Variants in ANO2 observed in about 807,000 individuals in gnomAD.
The protein encoded by ANO2 is anoctamin 2, also known as anoctamin-2.
Under a neutral mutation model 124.2 loss-of-function variants are expected in ANO2, and 101 were observed. That is an observed-to-expected ratio of 0.81 (90% CI 0.69 to 0.96). The LOEUF (loss-of-function observed/expected upper bound fraction) is 0.96, where lower values mean the gene tolerates loss of function less well. Ranked by LOEUF, ANO2 falls within the 40% of genes least tolerant of loss-of-function variation. The pLI, the probability that ANO2 is intolerant of heterozygous loss-of-function variation, is 0.00. For synonymous variants in ANO2, 486 were observed against 482.5 expected, an observed-to-expected ratio of 1.01 and a Z score of -0.09; for missense variants, 1,293 against 1,274.5, an observed-to-expected ratio of 1.01 and a Z score of -0.22.
In ANO2 at chr12:5,646,840, A is replaced by G. The variant is rs150478920; in HGVS notation, c.1620+887T>C. ...GTTTCCTTCACCTTTTAAATTTCTG[A>G]GACGAAAACACAATTCCTGTAGTTA... On this transcript the variant is annotated intron_variant, in intron 15 of 24. Coordinates refer to ENST00000682330, the MANE Select transcript of ANO2 (RefSeq NM_001364791.2). Among the ~76,000 whole-genome samples the G allele has an allele frequency of 6.3e-3, 955 of 152,326 alleles. 9 individuals are homozygous for G. Among genetic ancestry groups the G allele is most frequent in the African/African-American group, 0.02 (838 of 41,570 alleles).
intron 14 of ANO2, among the ~76,000 whole-genome samples, chr12:5,709,734 G>A (rs1463705583): frequency 6.6e-6 from 1 of 152,162 alleles, no homozygotes; most frequent in Non-Finnish European, 1.5e-5. Context: ...GACACTTTTA[G>A]GACAAATGAG....
chr12:5,646,015 C>A (rs1946620272), intron 15 of ANO2, among the ~76,000 whole-genome samples: 1 of 152,206 alleles, frequency 6.6e-6, no homozygotes, highest in Non-Finnish European at 1.5e-5. Flanking sequence ...GTTTTTTCTG[C>A]AGTCTCATAA....
chr12:5,807,490 T>C, intron 7 of ANO2, 122 bp from the exon 8 acceptor site: 1 of 729,066 alleles, frequency 1.4e-6, no homozygotes. Context: ...CATCCTCCTC[T>C]ATATCATCCA....
chr12:5,765,268 T>A (rs1951857383), intron 10 of ANO2, among the ~76,000 whole-genome samples: 1 of 152,086 alleles, frequency 6.6e-6, no homozygotes, highest in Non-Finnish European at 1.5e-5. Context: ...ACATAGCATC[T>A]CTCGATTGGA....
In ANO2 at chr12:5,757,854, C is replaced by T. The variant is rs368928819; in HGVS notation, c.1056-6884G>A. ...TCCCTGTAAAAGTAAGAAGAAATAG[C>T]TAAAATTTTAAAAATTCAGAAAGAT... On this transcript the variant is annotated intron_variant, in intron 10 of 24. Transcript: ENST00000682330. Among the ~76,000 whole-genome samples, 35 of 152,194 alleles carry T rather than the reference C, an allele frequency of 2.3e-4. 1 individual carries two copies. In the South Asian group the frequency reaches 6.6e-3, roughly 29 times the overall value.
At position 5,852,775 on chromosome 12, in the gene ANO2, G is replaced by A. The variant is rs964541558; in HGVS notation, c.633+1268C>T. On this transcript the variant is annotated intron_variant, in intron 4 of 24. Transcript: ENST00000682330. ...TCACAGTGGGCAGCATGAAAACTAT[G>A]ATGATGGTAGTTACAAACAGCAAGA... Among the ~76,000 whole-genome samples, 12 of 151,570 alleles carry A rather than the reference G, an allele frequency of 7.9e-5. 1 individual carries two copies. Among genetic ancestry groups the A allele is most frequent in the Non-Finnish European group, 1.3e-4 (9 of 67,932 alleles).
At chr12:5,738,636 C>T (rs1392393384) in intron 13 of ANO2, among the ~76,000 whole-genome samples, 1 of 152,054 alleles carries the variant, frequency 6.6e-6, no homozygotes, top group African/African-American at 2.4e-5. Flanking sequence ...TTTGGAGGAG[C>T]AGGAATTATG....
intron 14 of ANO2, among the ~76,000 whole-genome samples, chr12:5,720,206 G>A (rs139509541): frequency 1.3e-5 from 2 of 152,272 alleles, no homozygotes; most frequent in African/African-American, 2.4e-5. Flanking sequence ...TGTCAGAAGC[G>A]CATAGTCTCA....
chr12:5,940,919 A>C (rs1237010336), intron 1 of ANO2, among the ~76,000 whole-genome samples: 1 of 152,262 alleles, frequency 6.6e-6, no homozygotes, highest in African/African-American at 2.4e-5. Context: ...GATTTCAGCT[A>C]TAAAAAAGAA....
At chr12:5,856,013 T>C (rs757672802) in intron 3 of ANO2, among the ~76,000 whole-genome samples, 1 of 152,234 alleles carries the variant, frequency 6.6e-6, no homozygotes, top group Non-Finnish European at 1.5e-5. Context: ...TCCCCAATTT[T>C]ATCTTTGGTT....
At chr12:5,730,001 T>C (rs1343936575) in intron 14 of ANO2, among the ~76,000 whole-genome samples, 1 of 152,202 alleles carries the variant, frequency 6.6e-6, no homozygotes, top group East Asian at 1.9e-4. Flanking sequence ...GCTTGGCAAC[T>C]ATTGGGTACA....
Position 5,593,888 on chromosome 12 carries a change from G to A in ANO2, c.2233+5596C>T, listed in dbSNP as rs531415114. On this transcript the variant is annotated intron_variant, in intron 20 of 24. Coordinates refer to ENST00000682330, the MANE Select transcript of ANO2 (RefSeq NM_001364791.2). ...GCAGTACCACCCCTAACCACACTTA[G>A]CTGCTTGATGAACTTTAATGAGGGT... Among the ~76,000 whole-genome samples the A allele has an allele frequency of 1.1e-3, 161 of 152,266 alleles. 4 individuals are homozygous for A. Among genetic ancestry groups the A allele is most frequent in the South Asian group, 6.0e-3 (29 of 4,830 alleles).
At chr12:5,610,983 T>TTTTTTTTTGGTTTTTTTTTTG (rs1555100751) in intron 19 of ANO2, among the ~76,000 whole-genome samples, 1 of 121,724 alleles carries the variant, frequency 8.2e-6, no homozygotes, top group Non-Finnish European at 1.8e-5. Context: ...TTTTTTTTTT[T>TTTTTTTTTGGTTTTTTTTTTG]TTTTTTGAGA....
chr12:5,689,698 T>C (rs1253762011), intron 14 of ANO2, among the ~76,000 whole-genome samples: 5 of 152,128 alleles, frequency 3.3e-5, no homozygotes, highest in Non-Finnish European at 1.5e-5. Context: ...CGGACTCCTG[T>C]AGGGGAAGCC....
At chr12:5,754,166 G>T (rs915256515) in intron 10 of ANO2, among the ~76,000 whole-genome samples, 53 of 151,590 alleles carry the variant, frequency 3.5e-4, no homozygotes, top group African/African-American at 1.3e-3. Flanking sequence ...GCTGACTTTT[G>T]TCCATTTTTT....
At chr12:5,695,695 G>C (rs1328596141) in intron 14 of ANO2, among the ~76,000 whole-genome samples, 1 of 152,140 alleles carries the variant, frequency 6.6e-6, no homozygotes, top group South Asian at 2.1e-4. Context: ...ACAAAAATTA[G>C]TTGGGCCTGG....
At chr12:5,865,342 C>T (rs769565750) in intron 3 of ANO2, among the ~76,000 whole-genome samples, 11 of 151,234 alleles carry the variant, frequency 7.3e-5, no homozygotes, top group African/African-American at 1.2e-4. Flanking sequence ...TGCCACCACA[C>T]CATCATGCCA....
chr12:5,646,350 T>A (rs1242576825), intron 15 of ANO2, among the ~76,000 whole-genome samples: 1 of 152,234 alleles, frequency 6.6e-6, no homozygotes, highest in Admixed American at 6.5e-5. Context: ...AATACATTTA[T>A]CCAATTTTTT....
intron 19 of ANO2, among the ~76,000 whole-genome samples, chr12:5,610,568 C>CAAATATATTTATATTTATATTTAT (rs1378863544): frequency 1.1e-4 from 15 of 136,670 alleles, no homozygotes; most frequent in Middle Eastern, 4.4e-3. Context: ...ATATATAAAA[C>CAAATATATTTATATTTATATTTAT]AAATATATTT....
Sources: gnomAD v4.1 joint callset for allele counts (sites outside exome capture counted in the v4.1 genomes callset) on GRCh38, gnomAD v4.1.1 for gene constraint, MANE v1.5 for transcripts, NCBI Gene and HGNC (gene_info 2026-07-23, HGNC 2026-07-21) for gene names.